The following CDKL5 variants were observed in gnomAD, a reference collection of about 807,000 sequenced individuals.
CDKL5 encodes cyclin dependent kinase like 5, also known as cyclin-dependent kinase-like 5.
In CDKL5, 8 loss-of-function variants were observed where a neutral mutation model predicts 61.7. The ratio of observed to expected loss-of-function variants is 0.13; its 90% confidence interval spans 0.08 to 0.23. The LOEUF is 0.23. Ranked by LOEUF, CDKL5 falls within the 10% of genes least tolerant of loss-of-function variation. The pLI is 1.00. For synonymous variants in CDKL5, 275 were observed against 272.3 expected, an observed-to-expected ratio of 1.01 and a Z score of -0.10; for missense variants, 440 against 734.5, an observed-to-expected ratio of 0.60 and a Z score of 4.63.
At chrX:18,553,986 T>C (rs184022831) in intron 3 of CDKL5, among the ~76,000 whole-genome samples, 83 of 111,278 alleles carry the variant, frequency 7.5e-4, no homozygotes, top group African/African-American at 2.5e-3. Context: ...GGTTAGAGTT[T>C]ACATCAATGT....
In CDKL5 at chrX:18,603,962, C is replaced by T. The variant is rs754663076; in HGVS notation, c.1038C>T (p.Ile346=). The change falls in exon 12 of 18, where the codon ATC becomes ATT. Residue 346 remains isoleucine (I), a synonymous_variant. Coordinates refer to ENST00000623535, the MANE Select transcript of CDKL5 (RefSeq NM_001323289.2). The part of the protein sequence containing the change: ...QSHHRSNSKD[I]QNLSVGLPRA... ...ACCACAGATCTAACAGCAAGGACATCCAGAACCTGAGTGTAGGCCTGCCCC... is the reference window on the plus strand; with the variant it reads ...ACCACAGATCTAACAGCAAGGACATTCAGAACCTGAGTGTAGGCCTGCCCC... The T allele has an allele frequency of 8.3e-7, 1 of 1,210,122 alleles. No individual in the cohort carries two copies. Among genetic ancestry groups the T allele is most frequent in the Admixed American group, 2.2e-5 (1 of 45,991 alleles).
At chrX:18,530,238 A>G (rs1322194083) in intron 3 of CDKL5, among the ~76,000 whole-genome samples, 1 of 107,533 alleles carries the variant, frequency 9.3e-6, no homozygotes, top group Non-Finnish European at 1.9e-5. Flanking sequence ...AGGCTGAGGC[A>G]GGAAGAATTG....
chrX:18,436,867 C>A (rs1931619587), intron 1 of CDKL5, among the ~76,000 whole-genome samples: 1 of 97,910 alleles, frequency 1.0e-5, no homozygotes, highest in East Asian at 3.2e-4. Context: ...CCACTGCACT[C>A]CAGCCTGGGT....
rs1258710194 is a variant in CDKL5 at position 18,640,008 on chromosome X, G to A, written c.*11251G>A. On this transcript the variant is annotated 3_prime_UTR_variant, in exon 18 of 18. Transcript: ENST00000623535. ...TGCAGAGGGCTTGGGGTGGCCGATG[G>A]GTTGGGGAGTGTTGGCTGATGGGTG... is the stretch of plus-strand genomic sequence containing the variant. 3 of 111,801 alleles carry A rather than the reference G, an allele frequency of 2.7e-5. No homozygotes were observed. The highest frequency in any genetic ancestry group is 5.6e-5 in the Non-Finnish European group (3 of 53,187). The allele number at this position is 111,801 out of a possible 1,213,427, so 9.2% of individuals were successfully genotyped here. A position where few individuals can be genotyped will look rare whatever the true frequency, so the allele number is the denominator to read the frequency against.
chrX:18,595,136 C>T (rs1048978680), intron 9 of CDKL5, among the ~76,000 whole-genome samples: 6 of 111,916 alleles, frequency 5.4e-5, no homozygotes, highest in Non-Finnish European at 1.1e-4. Flanking sequence ...GAGCCCAGAT[C>T]GCACCATTGC....
In CDKL5 at chrX:18,602,153, A is replaced by G. The variant is rs1926197878; in HGVS notation, c.978-1749A>G. 4.5e-5 allele frequency among the ~76,000 whole-genome samples: 5 copies of G among 111,940 alleles called. No homozygotes were observed. In the South Asian group the frequency reaches 1.9e-3, roughly 42 times the overall value. ...AAGCCCAACCAGAAGCTAGCTGGCT[A>G]GGAAGCGTGGGTGACAATCTGCAGC... is the stretch of plus-strand genomic sequence containing the variant. On this transcript the variant is annotated intron_variant, in intron 11 of 17. Transcript: ENST00000623535.
intron 3 of CDKL5, among the ~76,000 whole-genome samples, chrX:18,543,957 T>A (rs1351337638): frequency 8.9e-6 from 1 of 112,153 alleles, no homozygotes; most frequent in Admixed American, 9.4e-5. Flanking sequence ...GGTCTAGTGC[T>A]TAGTGCCTTG....
At chrX:18,557,293 TATTTGCATGGC>T (rs1924639365) in intron 3 of CDKL5, among the ~76,000 whole-genome samples, 1 of 112,174 alleles carries the variant, frequency 8.9e-6, no homozygotes, top group Non-Finnish European at 1.9e-5. Flanking sequence ...TACAACTATT[TATTTGCATGGC>T]ATTTACATTG....
At chrX:18,569,090 C>T (rs1459910861) in intron 4 of CDKL5, among the ~76,000 whole-genome samples, 1 of 111,795 alleles carries the variant, frequency 8.9e-6, no homozygotes, top group Non-Finnish European at 1.9e-5. Context: ...AAGACTTTGA[C>T]ACCCTGACTT....
chrX:18,616,209 T>C (rs2147169517), intron 15 of CDKL5, among the ~76,000 whole-genome samples: 1 of 112,323 alleles, frequency 8.9e-6, no homozygotes, highest in African/African-American at 3.2e-5. Context: ...CTATGGAGTG[T>C]GTGTTTATAA....
At chrX:18,514,810 G>GT (rs1043437513) in intron 3 of CDKL5, among the ~76,000 whole-genome samples, 81 of 109,380 alleles carry the variant, frequency 7.4e-4, no homozygotes, top group African/African-American at 2.3e-3. Context: ...TTGTTTTTTG[G>GT]TTTTTTTTGT....
Position 18,635,521 on chromosome X carries a change from G to A in CDKL5, c.*6764G>A, listed in dbSNP as rs193095889. On this transcript the variant is annotated 3_prime_UTR_variant, in exon 18 of 18. Transcript: ENST00000623535. Reference sequence around the variant, plus strand: ...TTCGAATTCAAATGAGGGATGATGGGCCTTTGAGGTTGTAATCAGTTTGAG... The same window carrying A: ...TTCGAATTCAAATGAGGGATGATGGACCTTTGAGGTTGTAATCAGTTTGAG... 1.9e-4 allele frequency: 141 copies of A among 752,410 alleles called. No homozygotes were observed. In the African/African-American group the frequency reaches 2.9e-3, roughly 16 times the overall value. The allele number at this position is 752,410 out of a possible 1,213,427, so 62.0% of individuals were successfully genotyped here. A position where few individuals can be genotyped will look rare whatever the true frequency, so the allele number is the denominator to read the frequency against.
At chrX:18,575,685 T>C in intron 5 of CDKL5, among the ~76,000 whole-genome samples, 195 bp downstream of exon 5, 1 of 112,568 alleles carries the variant, frequency 8.9e-6, no homozygotes, top group East Asian at 2.8e-4. Flanking sequence ...ACAATTAAAC[T>C]GTATAGAGAT....
At chrX:18,443,627 A>G (rs1389197940) in intron 1 of CDKL5, among the ~76,000 whole-genome samples, 3 of 111,536 alleles carry the variant, frequency 2.7e-5, no homozygotes, top group Non-Finnish European at 5.6e-5. Flanking sequence ...ATAGGTAAAC[A>G]CATGTCTTAG....
chrX:18,464,909 T>C (rs1932367291), intron 1 of CDKL5, among the ~76,000 whole-genome samples: 1 of 112,497 alleles, frequency 8.9e-6, no homozygotes, highest in Non-Finnish European at 1.9e-5. Flanking sequence ...GCTTTGTGGC[T>C]GAACTGTTAA....
chrX:18,600,613 A>G (rs1926148551), intron 11 of CDKL5, among the ~76,000 whole-genome samples: 1 of 112,147 alleles, frequency 8.9e-6, no homozygotes, highest in Non-Finnish European at 1.9e-5. Flanking sequence ...TTTGTCTTCT[A>G]GTGACTCACT....
At chrX:18,624,361 A>G (rs1926975287) in intron 16 of CDKL5, among the ~76,000 whole-genome samples, 1 of 112,541 alleles carries the variant, frequency 8.9e-6, no homozygotes, top group African/African-American at 3.2e-5. Context: ...TTAACACTTG[A>G]TTGGCAATTT....
At chrX:18,486,264 C>T (rs1385346079) in intron 1 of CDKL5, among the ~76,000 whole-genome samples, 1 of 111,938 alleles carries the variant, frequency 8.9e-6, no homozygotes, top group Admixed American at 9.6e-5. Context: ...TCAGATATCA[C>T]CTCTTCAATG....
In CDKL5 at chrX:18,441,414, C is replaced by CA. The variant is rs757888759; in HGVS notation, c.-163+15730dup. Among the ~76,000 whole-genome samples the CA allele has an allele frequency of 9.1e-3, 951 of 104,371 alleles. 9 individuals carry two copies. Among genetic ancestry groups the CA allele is most frequent in the African/African-American group, 0.03 (859 of 28,826 alleles). 90.6% of individuals were successfully genotyped at this position (104,371 alleles called of 115,157 possible). ...TGGGTGACAGAGTGAGACCCTGTCTCAAAAAAAAAAATCATTAACAACGTT... is the reference window on the plus strand; with the variant it reads ...TGGGTGACAGAGTGAGACCCTGTCTCAAAAAAAAAAAATCATTAACAACGTT... On this transcript the variant is annotated intron_variant, in intron 1 of 17. Transcript: ENST00000623535.
Sources: gnomAD v4.1 joint callset for allele counts (sites outside exome capture counted in the v4.1 genomes callset) on GRCh38, gnomAD v4.1.1 for gene constraint, MANE v1.5 for transcripts, NCBI Gene and HGNC (gene_info 2026-07-23, HGNC 2026-07-21) for gene names.